Variants in FBXO17 observed in about 807,000 individuals in gnomAD.
FBXO17 encodes F-box protein 17, also known as F-box only protein 17.
In FBXO17, 43 loss-of-function variants were observed where a neutral mutation model predicts 34.1. The ratio of observed to expected loss-of-function variants is 1.26; its 90% CI spans 0.99 to 1.62. The LOEUF (loss-of-function observed/expected upper bound fraction) is 1.62. Among genes scored for constraint, FBXO17 ranks in the 40% most tolerant of loss-of-function variants. The pLI is 0.00. For synonymous variants in FBXO17, 169 were observed against 166.0 expected, an observed-to-expected ratio of 1.02 and a Z score of -0.14; for missense variants, 424 against 386.7, an observed-to-expected ratio of 1.10 and a Z score of -0.81.
intron 1 of FBXO17, among the ~76,000 whole-genome samples, chr19:38,958,651 G>T (rs916731197): frequency 6.6e-6 from 1 of 152,084 alleles, no homozygotes; most frequent in Non-Finnish European, 1.5e-5. Context: ...GAAGGTTACT[G>T]GCTGTCAGAG....
At chr19:38,946,691 C>G (rs1278383124) in intron 3 of FBXO17, 124 bp from the exon 4 acceptor site, 2 of 1,367,588 alleles carry the variant, frequency 1.5e-6, no homozygotes, top group Non-Finnish European at 9.9e-7. Context: ...AGGGTTTGCT[C>G]TAGCAGACCT....
chr19:38,960,291 C>CTTTTT (rs55974809), intron 1 of FBXO17, among the ~76,000 whole-genome samples: 1 of 147,372 alleles, frequency 6.8e-6, no homozygotes, highest in Non-Finnish European at 1.5e-5. Context: ...GCCATTATTC[C>CTTTTT]TTTTTTTTTT....
chr19:38,949,932 G>GC lies in FBXO17; in HGVS notation c.349+38dup, dbSNP rs780958976. The GC allele has an allele frequency of 5.3e-5, 77 of 1,461,046 alleles. No homozygotes were observed. The African/African-American group carries it at 8.3e-4, about 16-fold the overall frequency. The allele number at this position is 1,461,046 out of a possible 1,614,324, so 90.5% of individuals were successfully genotyped here. A position where few individuals can be genotyped will look rare whatever the true frequency, so the allele number is the denominator to read the frequency against. On this transcript the variant is annotated intron_variant, in intron 2 of 5. Transcript: ENST00000292852. Reference sequence around the variant, plus strand: ...GCCCCGCCCCCGCCTCGCTCGCGCGGCCCCCCTCAGCCTCCTGGGCCCCGC... The same window carrying GC: ...GCCCCGCCCCCGCCTCGCTCGCGCGGCCCCCCCTCAGCCTCCTGGGCCCCGC...
Position 38,942,732 on chromosome 19 carries a change from T to C in FBXO17, c.713A>G (p.Asn238Ser), listed in dbSNP as rs1306212540. ...TACGTAGCGGATGCCCTTGCCAAAG[T>C]TGGTGAAGACGTGGGAGACCTGCAG... The part of the protein sequence containing the change: ...GCRQVSHVFT[N>S]FGKGIRYVSF... Residue 238 changes from asparagine (N) to serine (S), a missense_variant, in exon 6 of 6, where the codon AAC becomes AGC. Asn to Ser is a conservative substitution (Grantham distance 46, BLOSUM62 1). Coordinates refer to ENST00000292852, the MANE Select transcript of FBXO17 (RefSeq NM_024907.7). 9 of 1,606,146 alleles carry C rather than the reference T, an allele frequency of 5.6e-6. No individual in the cohort carries two copies. The highest frequency in any genetic ancestry group is 1.7e-5 in the Admixed American group (1 of 58,720).
intron 1 of FBXO17, among the ~76,000 whole-genome samples, chr19:38,974,224 G>A (rs1975431978): frequency 6.6e-6 from 1 of 151,416 alleles, no homozygotes; most frequent in South Asian, 2.1e-4. Context: ...TGGGATTACA[G>A]GCGCCTACCA....
chr19:38,972,108 T>C (rs1210105045), intron 1 of FBXO17, among the ~76,000 whole-genome samples: 1 of 152,100 alleles, frequency 6.6e-6, no homozygotes, highest in Non-Finnish European at 1.5e-5. Flanking sequence ...TAGTTATAGA[T>C]CTAATGGGCT....
intron 1 of FBXO17, among the ~76,000 whole-genome samples, chr19:38,961,905 C>CAG (rs1975255501): frequency 6.6e-6 from 1 of 151,960 alleles, no homozygotes; most frequent in South Asian, 2.1e-4. Context: ...TCAAGTGATC[C>CAG]GCCTGCGTCG....
intron 1 of FBXO17, among the ~76,000 whole-genome samples, chr19:38,972,806 C>T (rs190631125): frequency 2.6e-4 from 40 of 152,146 alleles, no homozygotes; most frequent in Middle Eastern, 6.8e-3. Context: ...GTCGCCCAGG[C>T]TGGGGTGCAA....
At chr19:38,963,416 T>C (rs1443995381) in intron 1 of FBXO17, among the ~76,000 whole-genome samples, 8 of 151,614 alleles carry the variant, frequency 5.3e-5, no homozygotes, top group Non-Finnish European at 1.0e-4. Flanking sequence ...CATCTCAGCC[T>C]CCCAAGTAGC....
At chr19:38,958,902 CTCTT>C (rs1975207167) in intron 1 of FBXO17, among the ~76,000 whole-genome samples, 1 of 151,974 alleles carries the variant, frequency 6.6e-6, no homozygotes, top group Non-Finnish European at 1.5e-5. Context: ...CATTCTCTCT[CTCTT>C]TCTCTCTCTT....
chr19:38,959,401 C>G (rs148690301), intron 1 of FBXO17, among the ~76,000 whole-genome samples: 1 of 151,290 alleles, frequency 6.6e-6, no homozygotes, highest in African/African-American at 2.4e-5. Context: ...GCCTCAGCCT[C>G]CAGAGTAGCT....
At position 38,975,139 on chromosome 19, in the gene FBXO17, C is replaced by T. The variant is rs546399108; in HGVS notation, c.-18+447G>A. On this transcript the variant is annotated intron_variant, in intron 1 of 5. Coordinates refer to ENST00000292852, the MANE Select transcript of FBXO17 (RefSeq NM_024907.7). The surrounding 1 kb of genome is among the most constrained non-coding windows in gnomAD (Gnocchi z 4.9). ...CCCAAGTTGCTAAATCGAGAAACCG[C>T]CCTCCAAGGCTTCTGATTCACAGAT... is the stretch of plus-strand genomic sequence containing the variant. 5.9e-5 allele frequency among the ~76,000 whole-genome samples: 9 copies of T among 152,300 alleles called. No homozygotes were observed. In the South Asian group the frequency reaches 1.9e-3, roughly 32 times the overall value.
intron 1 of FBXO17, among the ~76,000 whole-genome samples, chr19:38,969,033 G>A (rs941187713): frequency 6.6e-6 from 1 of 151,926 alleles, no homozygotes; most frequent in East Asian, 1.9e-4. Flanking sequence ...GAATTTTTTG[G>A]TATGTAAATT....
At chr19:38,954,769 A>AG (rs1273763856) in intron 1 of FBXO17, among the ~76,000 whole-genome samples, 1 of 149,806 alleles carries the variant, frequency 6.7e-6, no homozygotes, top group Non-Finnish European at 1.5e-5. Context: ...TAGTAGAGAC[A>AG]GGGTTTCACC....
chr19:38,968,459 T>A (rs927314317), intron 1 of FBXO17, among the ~76,000 whole-genome samples: 4 of 150,856 alleles, frequency 2.7e-5, no homozygotes, highest in Non-Finnish European at 4.4e-5. Flanking sequence ...ACCCTCCAGC[T>A]TGGGAGACAG....
chr19:38,971,513 G>A (rs964186240), intron 1 of FBXO17, among the ~76,000 whole-genome samples: 1 of 152,196 alleles, frequency 6.6e-6, no homozygotes, highest in Non-Finnish European at 1.5e-5. Flanking sequence ...ACTGGGTGCT[G>A]TGGCTCACGC....
At chr19:38,956,340 C>CT (rs942748340) in intron 1 of FBXO17, among the ~76,000 whole-genome samples, 4 of 150,816 alleles carry the variant, frequency 2.7e-5, no homozygotes, top group East Asian at 1.9e-4. Context: ...AGGCTTATTT[C>CT]TTTTTTTTAA....
At chr19:38,944,256 C>CATTATTATTATTATTATTATT (rs55839664) in intron 5 of FBXO17, among the ~76,000 whole-genome samples, 7,721 of 146,458 alleles carry the variant, frequency 0.053, 282 homozygotes, top group East Asian at 0.15. Flanking sequence ...TGATCTGACT[C>CATTATTATTATTATTATTATT]ATTATTATTA....
rs200666746 is a variant in FBXO17, at chr19:38,958,118, A to AG, written c.-17-7783_-17-7782insC. Among the ~76,000 whole-genome samples the AG allele has an allele frequency of 1.5e-3, 231 of 151,688 alleles. 2 individuals carry two copies. Among genetic ancestry groups the AG allele is most frequent in the African/African-American group, 5.4e-3 (221 of 41,284 alleles). ...GAGATCCTGCCTCAAAAAAAAAAAA[A>AG]AAAAAGTTTGTGGCCAGTCACAGTG... On this transcript the variant is annotated intron_variant, in intron 1 of 5. Coordinates refer to ENST00000292852, the MANE Select transcript of FBXO17 (RefSeq NM_024907.7).
Sources: gnomAD v4.1 joint callset for allele counts (sites outside exome capture counted in the v4.1 genomes callset) on GRCh38, gnomAD v4.1.1 for gene constraint, Gnocchi (gnomAD v3.1) non-coding constraint, MANE v1.5 for transcripts, NCBI Gene and HGNC (gene_info 2026-07-23, HGNC 2026-07-21) for gene names.